The following IFT88 variants were observed in gnomAD, a reference collection of about 807,000 sequenced individuals.
IFT88 encodes intraflagellar transport protein 88 homolog.
A neutral mutation model predicts 119.5 loss-of-function variants in IFT88; 74 were observed. That is an observed-to-expected ratio of 0.62 (90% CI 0.51 to 0.75). The LOEUF (loss-of-function observed/expected upper bound fraction) is 0.75. Ranked by LOEUF, IFT88 falls within the 30% of genes least tolerant of loss-of-function variation. IFT88 has a pLI of 0.00. For missense variants in IFT88, 961 were observed against 977.7 expected (o/e 0.98, Z 0.23); for synonymous variants, 279 against 316.7 (o/e 0.88, Z 1.26).
At chr13:20,581,853 A>AG (rs2038741046) in intron 2 of IFT88, among the ~76,000 whole-genome samples, 1 of 7,360 alleles carries the variant, frequency 1.4e-4, no homozygotes, top group African/African-American at 3.4e-4. Context: ...ACCCTGTCTC[A>AG]AAAAAAAAAA....
chr13:20,570,291 G>T (rs775792231), intron 1 of IFT88, among the ~76,000 whole-genome samples: 6 of 152,166 alleles, frequency 3.9e-5, no homozygotes, highest in Non-Finnish European at 8.8e-5. Context: ...AAATAGTGCA[G>T]CCACTTTGGA....
At chr13:20,683,064 A>G (rs1293790980) in intron 24 of IFT88, among the ~76,000 whole-genome samples, 2 of 152,178 alleles carry the variant, frequency 1.3e-5, no homozygotes, top group Non-Finnish European at 2.9e-5. Flanking sequence ...AACATTCTCC[A>G]TTTACCTGAT....
Position 20,589,861 on chromosome 13 carries a change from A to AT in IFT88, c.205dup (p.Tyr69LeufsTer25), listed in dbSNP as rs1427070415. 6.3e-7 allele frequency: 1 copy of AT among 1,592,286 alleles called. No homozygotes were observed. Among genetic ancestry groups the AT allele is most frequent in the East Asian group, 2.2e-5 (1 of 44,644 alleles). The stretch of plus-strand genomic sequence containing the variant: ...CAGTTACTAGACCTATAGCTACTGG[A>AT]TATGGGGTAGGTTTTTGTAAGCTGA... On this transcript the variant is annotated frameshift_variant, in exon 4 of 26. Coordinates refer to ENST00000351808, the MANE Select transcript of IFT88 (RefSeq NM_006531.5). LOFTEE classifies it high-confidence loss of function.
intron 24 of IFT88, among the ~76,000 whole-genome samples, chr13:20,673,087 C>T (rs1692792149): frequency 2.6e-5 from 4 of 152,138 alleles, no homozygotes; most frequent in Admixed American, 1.3e-4. Context: ...TGAGTAACCC[C>T]TAAGGAAGTA....
In IFT88 at chr13:20,691,233, TAAACCTTGGATTAA is replaced by T. The variant is rs1383647550; in HGVS notation, c.*60_*73del. ...TTGCCTTATGAGATCATCCTCATGT[TAAACCTTGGATTAA>T]ATATCTAACCTGTAATTATTTTTTT... is the stretch of plus-strand genomic sequence containing the variant. On this transcript the variant is annotated 3_prime_UTR_variant, in exon 26 of 26. Transcript: ENST00000351808. 5.4e-6 allele frequency: 8 copies of T among 1,475,878 alleles called. No homozygotes were observed. The highest frequency in any genetic ancestry group is 7.4e-6 in the Non-Finnish European group (8 of 1,080,820). The allele number at this position is 1,475,878 out of a possible 1,614,324, so 91.4% of individuals were successfully genotyped here.
At chr13:20,608,300 G>GC (rs1325406546) in intron 13 of IFT88, among the ~76,000 whole-genome samples, 2 of 152,164 alleles carry the variant, frequency 1.3e-5, no homozygotes, top group African/African-American at 4.8e-5. Flanking sequence ...GGTTCCTGGC[G>GC]CCCCATGAGC....
chr13:20,669,106 CAAG>C (rs2055313702), intron 23 of IFT88, among the ~76,000 whole-genome samples: 1 of 152,148 alleles, frequency 6.6e-6, no homozygotes, highest in South Asian at 2.1e-4. Context: ...AGCAGAAAGA[CAAG>C]AAGGAGGCAA....
intron 17 of IFT88, among the ~76,000 whole-genome samples, chr13:20,640,626 A>T (rs1566310487): frequency 6.6e-6 from 1 of 150,724 alleles, no homozygotes; most frequent in South Asian, 2.1e-4. Context: ...ATTAATGTAT[A>T]GTCAGTTGTT....
At chr13:20,678,515 G>A (rs563680734) in intron 24 of IFT88, among the ~76,000 whole-genome samples, 2 of 152,352 alleles carry the variant, frequency 1.3e-5, no homozygotes, top group South Asian at 4.1e-4. Flanking sequence ...CTGATTATCT[G>A]CAGCAAAAGC....
rs572310640 is a variant in IFT88 at position 20,654,075 on chromosome 13, AAC to A, written c.2002+151_2002+152del. ...ACATAATTCAAAGCATTGTATGAAA[AAC>A]ACAATAATTACTACATACAAAAAAG... On this transcript the variant is annotated intron_variant, in intron 21 of 25. Coordinates refer to ENST00000351808, the MANE Select transcript of IFT88 (RefSeq NM_006531.5). The A allele has an allele frequency of 2.5e-3, 1,079 of 428,968 alleles. 9 individuals are homozygous for A. Among genetic ancestry groups the A allele is most frequent in the Non-Finnish European group, 2.5e-3 (611 of 241,862 alleles). 26.6% of individuals were successfully genotyped at this position (428,968 alleles called of 1,614,324 possible).
At chr13:20,582,073 T>G (rs917429948) in intron 2 of IFT88, among the ~76,000 whole-genome samples, 1 of 151,826 alleles carries the variant, frequency 6.6e-6, no homozygotes, top group Non-Finnish European at 1.5e-5. Flanking sequence ...GGAAGTAGAT[T>G]GAAATAAATC....
At chr13:20,598,386 C>T (rs1422773717) in intron 9 of IFT88, among the ~76,000 whole-genome samples, 3 of 152,034 alleles carry the variant, frequency 2.0e-5, no homozygotes, top group Admixed American at 2.0e-4. Flanking sequence ...CTTTGTAGGT[C>T]CTCCAGAGAT....
chr13:20,569,193 C>T (rs144641650), intron 1 of IFT88, among the ~76,000 whole-genome samples: 1 of 152,114 alleles, frequency 6.6e-6, no homozygotes, highest in Non-Finnish European at 1.5e-5. Context: ...TATAAATATT[C>T]TTGACCTTAG....
At chr13:20,620,367 T>C (rs372129819) in intron 14 of IFT88, among the ~76,000 whole-genome samples, 8 of 152,226 alleles carry the variant, frequency 5.3e-5, no homozygotes, top group African/African-American at 1.7e-4. Flanking sequence ...TCAATCCCTT[T>C]GGTCCATTTA....
Position 20,574,340 on chromosome 13 carries a change from C to T in IFT88, c.-6-40C>T, listed in dbSNP as rs202177477. On this transcript the variant is annotated intron_variant, in intron 1 of 25. Coordinates refer to ENST00000351808, the MANE Select transcript of IFT88 (RefSeq NM_006531.5). ...TCTCAAAAAATATATATATATATTT[C>T]TTATACCAAGAACATATTTACACTG... 1,349 of 1,148,234 alleles carry T rather than the reference C, an allele frequency of 1.2e-3. 19 individuals are homozygous for T. In the South Asian group the frequency reaches 0.017, roughly 14 times the overall value. 71.1% of individuals were successfully genotyped at this position (1,148,234 alleles called of 1,614,324 possible).
intron 14 of IFT88, among the ~76,000 whole-genome samples, chr13:20,617,833 A>T (rs909566197): frequency 6.6e-6 from 1 of 152,132 alleles, no homozygotes; most frequent in Non-Finnish European, 1.5e-5. Context: ...TCACTCTGTC[A>T]ACCAGGCTGG....
chr13:20,606,741 T>TG lies in IFT88; in HGVS notation c.1112+1638dup, dbSNP rs759446490. 4.3e-4 allele frequency among the ~76,000 whole-genome samples: 66 copies of TG among 152,048 alleles called. No individual in the cohort carries two copies. In the Middle Eastern group the frequency reaches 0.014, roughly 31 times the overall value. On this transcript the variant is annotated intron_variant, in intron 13 of 25. Transcript: ENST00000351808. ...TAAAAATACAAAAATTAGCCAGGCA[T>TG]GGTGGCATGTGCATGTAGTCCCAGC... is the stretch of plus-strand genomic sequence containing the variant.
intron 24 of IFT88, among the ~76,000 whole-genome samples, chr13:20,684,297 A>T (rs2057647913): frequency 6.6e-6 from 1 of 152,198 alleles, no homozygotes; most frequent in African/African-American, 2.4e-5. Flanking sequence ...TGTCCTCTGG[A>T]AAAGAGAGAT....
intron 17 of IFT88, among the ~76,000 whole-genome samples, chr13:20,639,786 CTTTT>C (rs34190452): frequency 1.8e-5 from 2 of 109,486 alleles, no homozygotes; most frequent in African/African-American, 3.4e-5. Context: ...TAAAATTTGT[CTTTT>C]TTTTTTTTTT....
Sources: allele counts gnomAD v4.1 joint callset (sites outside exome capture counted in the v4.1 genomes callset), GRCh38; gene constraint gnomAD v4.1.1; transcripts MANE v1.5; gene names NCBI Gene and HGNC (gene_info 2026-07-23, HGNC 2026-07-21).